The following CSMD1 variants were observed in gnomAD, a reference collection of about 807,000 sequenced individuals.
CSMD1 encodes the protein CUB and sushi domain-containing protein 1.
In CSMD1, 213 loss-of-function variants were observed where a neutral mutation model predicts 417.5. That is an observed-to-expected ratio of 0.51 (90% CI 0.46 to 0.57). CSMD1 has a LOEUF of 0.57. CSMD1 is among the 20% of genes least tolerant of loss of function. The pLI is 0.00. For missense variants in CSMD1, 6,923 were observed against 4,529.7 expected (o/e 1.53, Z -15.17); for synonymous variants, 2,862 against 1,736.8 (o/e 1.65, Z -16.11).
rs376587688 is a variant in CSMD1, at chr8:4,093,138, C to A, written c.416-61039G>T. On this transcript the variant is annotated intron_variant, in intron 3 of 69. Coordinates refer to ENST00000635120, the MANE Select transcript of CSMD1 (RefSeq NM_033225.6). ...CTAAAATCTCCAGCCATAAATTATA[C>A]AAGTCATATTGACTGTTTGCAGGTT... 3.4e-3 allele frequency among the ~76,000 whole-genome samples: 519 copies of A among 152,262 alleles called. 3 individuals are homozygous for A. The highest frequency in any genetic ancestry group is 5.7e-3 in the Non-Finnish European group (385 of 68,028).
At chr8:3,214,719 T>G in intron 29 of CSMD1, 28 bp from the exon 30 acceptor site, 1 of 1,518,572 alleles carries the variant, frequency 6.6e-7, no homozygotes, top group Non-Finnish European at 8.9e-7. Context: ...GTAAACTGCA[T>G]GAGAGCAGGG....
intron 1 of CSMD1, among the ~76,000 whole-genome samples, chr8:4,729,312 C>CA (rs1225858062): frequency 6.6e-6 from 1 of 152,162 alleles, no homozygotes; most frequent in Non-Finnish European, 1.5e-5. Context: ...ATGATCCACA[C>CA]AAAGGTGTTT....
chr8:4,124,631 G>A (rs1191988414), intron 3 of CSMD1, among the ~76,000 whole-genome samples: 2 of 152,142 alleles, frequency 1.3e-5, no homozygotes, highest in African/African-American at 2.4e-5. Flanking sequence ...GACCTCACTG[G>A]CAAGGCCCAG....
At chr8:3,133,903 G>A (rs895248094) in intron 41 of CSMD1, among the ~76,000 whole-genome samples, 5 of 152,190 alleles carry the variant, frequency 3.3e-5, no homozygotes, top group African/African-American at 7.2e-5. Flanking sequence ...GGCCGGGCGC[G>A]GTGGCTCACG....
rs2128926985 is a variant in CSMD1 at position 2,963,355 on chromosome 8, T to C, written c.9321A>G (p.Thr3107=). The change falls in exon 60 of 70, where the codon ACA becomes ACG. Residue 3107 remains threonine (T), a synonymous_variant. Coordinates refer to ENST00000635120, the MANE Select transcript of CSMD1 (RefSeq NM_033225.6). ...CCCAGCGGAAATCACTTCCCTCCAC[T>C]GTTCCATTCTGCACCGGCGGCGGCT... ...CPQPPPVQNG[T]VEGSDFRWGS... is the part of the protein sequence containing the mutation. 3 of 1,613,966 alleles carry C rather than the reference T, an allele frequency of 1.9e-6. No homozygotes were observed. The highest frequency in any genetic ancestry group is 1.7e-6 in the Non-Finnish European group (2 of 1,179,860).
At chr8:4,066,971 G>C (rs1038599843) in intron 3 of CSMD1, among the ~76,000 whole-genome samples, 4 of 152,230 alleles carry the variant, frequency 2.6e-5, no homozygotes, top group Admixed American at 6.5e-5. Flanking sequence ...AACCTAATGA[G>C]TATATTCTAA....
chr8:3,052,117 C>A (rs539292095), intron 50 of CSMD1, among the ~76,000 whole-genome samples: 23 of 152,254 alleles, frequency 1.5e-4, no homozygotes, highest in Non-Finnish European at 2.6e-4. Context: ...GTTTTAACAT[C>A]TTGAGTACAG....
chr8:4,317,016 G>A (rs1424778173), intron 3 of CSMD1, among the ~76,000 whole-genome samples: 1 of 152,040 alleles, frequency 6.6e-6, no homozygotes, highest in African/African-American at 2.4e-5. Context: ...CACTGTTGGG[G>A]CAAAAAACTA....
intron 19 of CSMD1, among the ~76,000 whole-genome samples, chr8:3,367,551 T>C (rs1377748214): frequency 1.3e-5 from 2 of 152,210 alleles, no homozygotes; most frequent in East Asian, 3.9e-4. Flanking sequence ...TTAATCAAAA[T>C]ATTAAAATGT....
rs187545532 is a variant in CSMD1, at chr8:3,284,578, T to C, written c.3951-232A>G. The C allele has an allele frequency of 2.5e-5, 13 of 525,294 alleles. No homozygotes were observed. The East Asian group carries it at 3.3e-4, about 14-fold the overall frequency. 32.5% of individuals were successfully genotyped at this position (525,294 alleles called of 1,614,324 possible). On this transcript the variant is annotated intron_variant, in intron 25 of 69. Transcript: ENST00000635120. ...TCAGTCTGTCATGGACGCAGAGAGA[T>C]AGGTGAGCTAGATGCTGAGCTATCC...
chr8:4,401,534 AG>A (rs1176585949), intron 3 of CSMD1, among the ~76,000 whole-genome samples: 10 of 152,128 alleles, frequency 6.6e-5, no homozygotes, highest in Admixed American at 3.9e-4. Flanking sequence ...CCCTCCCAGC[AG>A]TAGCTCCCCT....
chr8:3,776,809 T>G (rs1275077958), intron 5 of CSMD1, among the ~76,000 whole-genome samples: 2 of 148,906 alleles, frequency 1.3e-5, no homozygotes, highest in African/African-American at 2.5e-5. Context: ...ATAGACGAGA[T>G]ATATATATAT....
At chr8:3,317,498 C>G (rs999620380) in intron 23 of CSMD1, among the ~76,000 whole-genome samples, 1 of 152,042 alleles carries the variant, frequency 6.6e-6, no homozygotes, top group African/African-American at 2.4e-5. Context: ...CTATTTTTTC[C>G]CAATTAAGTG....
intron 3 of CSMD1, among the ~76,000 whole-genome samples, chr8:4,416,497 A>AGT (rs1288594267): frequency 6.6e-6 from 1 of 152,142 alleles, no homozygotes; most frequent in East Asian, 1.9e-4. Context: ...AGACTTTAGA[A>AGT]CCAAAATAAT....
intron 6 of CSMD1, among the ~76,000 whole-genome samples, chr8:3,726,268 G>C (rs1234846557): frequency 1.3e-5 from 2 of 152,180 alleles, no homozygotes; most frequent in Non-Finnish European, 2.9e-5. Flanking sequence ...GCCCAGCTAG[G>C]CTGCACATCG....
chr8:4,122,874 G>C (rs1363592312), intron 3 of CSMD1, among the ~76,000 whole-genome samples: 1 of 152,098 alleles, frequency 6.6e-6, no homozygotes, highest in African/African-American at 2.4e-5. Context: ...ATAAAGAAAG[G>C]CAACTCCTGA....
rs111592425 is a variant in CSMD1 at position 4,436,673 on chromosome 8, C to G, written c.303-16608G>C. On this transcript the variant is annotated intron_variant, in intron 2 of 69. Transcript: ENST00000635120. ...CAATCACCACCTCCTTCCTTCACTC[C>G]TACTACCCTACACAGCTTCTGGTAA... is the stretch of plus-strand genomic sequence containing the variant. Among the ~76,000 whole-genome samples the G allele has an allele frequency of 6.4e-3, 973 of 152,228 alleles. 7 individuals are homozygous for G. Among genetic ancestry groups the G allele is most frequent in the African/African-American group, 0.022 (927 of 41,540 alleles).
chr8:4,138,271 A>G (rs1323117468), intron 3 of CSMD1, among the ~76,000 whole-genome samples: 1 of 148,326 alleles, frequency 6.7e-6, no homozygotes, highest in African/African-American at 2.5e-5. Flanking sequence ...GCTATGCCAT[A>G]AACTAAATGG....
At chr8:3,733,306 A>G (rs780860631) in intron 6 of CSMD1, among the ~76,000 whole-genome samples, 3 of 148,412 alleles carry the variant, frequency 2.0e-5, no homozygotes, top group Non-Finnish European at 4.5e-5. Context: ...GAATATATAT[A>G]CACATACATA....
Sources: allele counts gnomAD v4.1 joint callset (sites outside exome capture counted in the v4.1 genomes callset), GRCh38; gene constraint gnomAD v4.1.1; transcripts MANE v1.5; gene names NCBI Gene and HGNC (gene_info 2026-07-23, HGNC 2026-07-21).